PDCD11: variants seen among roughly 807,000 people sequenced by gnomAD.
PDCD11 encodes the protein programmed cell death 11, also known as protein RRP5 homolog.
PDCD11 carries 97 observed loss-of-function variants against 198.9 expected under a neutral mutation model. The observed-to-expected ratio is 0.49, with a 90% CI of 0.41 to 0.58. The LOEUF (loss-of-function observed/expected upper bound fraction) is 0.58, where lower values mean the gene tolerates loss of function less well. Ranked by LOEUF, PDCD11 falls within the 20% of genes least tolerant of loss-of-function variation. The pLI is 0.00. For missense variants in PDCD11, 2,102 were observed against 2,312.7 expected (o/e 0.91, Z 1.87); for synonymous variants, 893 against 918.0 (o/e 0.97, Z 0.49).
At chr10:103,436,572 C>T (rs1218014801) in intron 25 of PDCD11, among the ~76,000 whole-genome samples, 1 of 152,174 alleles carries the variant, frequency 6.6e-6, no homozygotes, top group Non-Finnish European at 1.5e-5. Context: ...AATTCTCAAC[C>T]ACTCACAACC....
Position 103,400,498 on chromosome 10 carries a change from AAG to A in PDCD11, c.210_211del (p.Lys71ValfsTer2). The A allele has an allele frequency of 6.2e-7, 1 of 1,614,096 alleles. No individual in the cohort carries two copies. Among genetic ancestry groups the A allele is most frequent in the African/African-American group, 1.3e-5 (1 of 75,054 alleles). On this transcript the variant is annotated frameshift_variant, in exon 3 of 36. Transcript: ENST00000369797. LOFTEE classifies it high-confidence loss of function. Reference sequence around the variant, plus strand: ...AAAAGAGAGAAAGCAGCAAGTCCGCAAGAGAGAAGTTTGAAATCCTTAGTGTT... The same window carrying A: ...AAAAGAGAGAAAGCAGCAAGTCCGCAAGAGAAGTTTGAAATCCTTAGTGTT... Reference protein sequence around the residue: ...IEKRESSKSAREKFEILSVES... With the variant: ...IEKRESSKSAXEKFEILSVES...
At chr10:103,426,400 T>C (rs754356712) in intron 20 of PDCD11, among the ~76,000 whole-genome samples, 6 of 152,236 alleles carry the variant, frequency 3.9e-5, no homozygotes, top group Non-Finnish European at 8.8e-5. Context: ...GTAAGTCAAT[T>C]ATCCTCTAAA....
At chr10:103,435,651 T>C (rs1261514215) in intron 25 of PDCD11, among the ~76,000 whole-genome samples, 1 of 152,118 alleles carries the variant, frequency 6.6e-6, no homozygotes, top group Non-Finnish European at 1.5e-5. Flanking sequence ...TAGCTAGGAT[T>C]ATAGGCATGC....
intron 21 of PDCD11, among the ~76,000 whole-genome samples, 157 bp downstream of exon 21, chr10:103,427,548 C>T (rs2031751509): frequency 1.3e-5 from 2 of 152,128 alleles, no homozygotes; most frequent in African/African-American, 2.4e-5. Flanking sequence ...ATTTGGTTCT[C>T]CTAGGGCTGG....
chr10:103,424,818 TAGGTC>T (rs1452149395), intron 19 of PDCD11, among the ~76,000 whole-genome samples, 161 bp from the exon 20 acceptor site: 2 of 152,288 alleles, frequency 1.3e-5, no homozygotes, highest in Non-Finnish European at 2.9e-5. Context: ...AGAGGAAAGC[TAGGTC>T]CAGGGAGTGA....
At chr10:103,434,208 C>T (rs1439935885) in intron 23 of PDCD11, 40 bp from the exon 24 acceptor site, 1 of 1,388,630 alleles carries the variant, frequency 7.2e-7, no homozygotes, top group Admixed American at 1.7e-5. Context: ...TAAATGACAG[C>T]CTTTCTTCAA....
Position 103,433,912 on chromosome 10 carries a change from G to C in PDCD11, c.3475-36G>C, listed in dbSNP as rs747561534. ...TTTAATGGCGGGAAACCTTGTATTT[G>C]TATTTGCCCTACTCTGGTTCCTTTT... On this transcript the variant is annotated intron_variant, in intron 22 of 35. Transcript: ENST00000369797. 2.0e-6 allele frequency: 3 copies of C among 1,478,670 alleles called. 1 individual carries two copies. The South Asian group carries it at 3.5e-5, about 17-fold the overall frequency. 91.6% of individuals were successfully genotyped at this position (1,478,670 alleles called of 1,614,324 possible). A position where few individuals can be genotyped will look rare whatever the true frequency, so the allele number is the denominator to read the frequency against.
chr10:103,433,302 C>G (rs553002721), intron 22 of PDCD11, among the ~76,000 whole-genome samples: 1 of 152,256 alleles, frequency 6.6e-6, no homozygotes, highest in South Asian at 2.1e-4. Flanking sequence ...TGAGACCAGC[C>G]TGGCCAACAT....
intron 15 of PDCD11, among the ~76,000 whole-genome samples, chr10:103,418,894 T>G (rs2031268931): frequency 6.6e-6 from 1 of 151,128 alleles, no homozygotes; most frequent in Admixed American, 6.6e-5. Flanking sequence ...CCCAGTGGGG[T>G]GCTTGGGAGC....
intron 16 of PDCD11, among the ~76,000 whole-genome samples, chr10:103,419,976 GT>G (rs1364639757): frequency 1.0e-5 from 1 of 99,198 alleles, no homozygotes; most frequent in African/African-American, 4.4e-5. Context: ...TTTTTTTTGA[GT>G]AGTAGAGACA....
chr10:103,442,845 C>T (rs2032448078), intron 32 of PDCD11, among the ~76,000 whole-genome samples: 1 of 152,164 alleles, frequency 6.6e-6, no homozygotes, highest in Non-Finnish European at 1.5e-5. Flanking sequence ...TTGCTTCATC[C>T]TCTTAGCTTG....
In PDCD11 at chr10:103,424,912, G is replaced by T; in HGVS notation, c.2764-72G>T. On this transcript the variant is annotated intron_variant, in intron 19 of 35. Coordinates refer to ENST00000369797, the MANE Select transcript of PDCD11 (RefSeq NM_014976.2). ...CAGAGGGTTTCCTCAGCCACACCCT[G>T]CCCAGTGGGGCCATGAGTGAGTGAC... 7.1e-6 allele frequency: 11 copies of T among 1,549,440 alleles called. No homozygotes were observed. In the South Asian group the frequency reaches 1.3e-4, roughly 19 times the overall value.
chr10:103,414,478 C>G, intron 11 of PDCD11, 148 bp downstream of exon 11: 1 of 624,802 alleles, frequency 1.6e-6, no homozygotes, highest in East Asian at 2.8e-5. Flanking sequence ...ATTTCTTTCT[C>G]TTTCTTTGGG....
chr10:103,434,621 C>T, intron 24 of PDCD11, 177 bp from the exon 25 acceptor site: 1 of 601,370 alleles, frequency 1.7e-6, no homozygotes, highest in Non-Finnish European at 2.9e-6. Flanking sequence ...CACCACTTGG[C>T]CCTGAGGTCC....
chr10:103,403,358 C>A, intron 4 of PDCD11, 73 bp downstream of exon 4: 2 of 1,425,888 alleles, frequency 1.4e-6, no homozygotes, highest in Non-Finnish European at 1.9e-6. Flanking sequence ...TACAACTTTG[C>A]CAGGTGCTAA....
rs767154101 is a variant in PDCD11, at chr10:103,434,966, A to T, written c.3836A>T (p.Lys1279Met). ...CCCCTGGAAGACTTCGTCCCCCAGA[A>T]GGTTGTCAGGTAAGCGAAGTGTTCT... ...ETPLEDFVPQ[K>M]VVRCYILSTA... The change falls in exon 25 of 36, where the codon AAG (lysine) becomes ATG (methionine). Residue 1279 changes from lysine to methionine, a missense_variant. Transcript: ENST00000369797. The T allele has an allele frequency of 2.6e-6, 4 of 1,555,250 alleles. No individual in the cohort carries two copies. Among genetic ancestry groups the T allele is most frequent in the Non-Finnish European group, 3.5e-6 (4 of 1,148,172 alleles).
At chr10:103,431,960 G>A (rs1323305056) in intron 21 of PDCD11, among the ~76,000 whole-genome samples, 169 bp from the exon 22 acceptor site, 1 of 151,834 alleles carries the variant, frequency 6.6e-6, no homozygotes, top group Non-Finnish European at 1.5e-5. Context: ...GATTAGCCTC[G>A]GGCCAGTATT....
At position 103,445,509 on chromosome 10, in the gene PDCD11, T is replaced by C; in HGVS notation, c.5576T>C (p.Leu1859Pro). The C allele has an allele frequency of 6.2e-7, 1 of 1,614,010 alleles. No homozygotes were observed. The highest frequency in any genetic ancestry group is 8.5e-7 in the Non-Finnish European group (1 of 1,180,022). ...KDVQAVKAKALEYVEAKSSVL... is the reference protein window; with the variant it reads ...KDVQAVKAKAPEYVEAKSSVL... The stretch of plus-strand genomic sequence containing the variant: ...GTGCAGGCAGTCAAGGCCAAGGCCC[T>C]GGAGTATGTGGAGGCCAAGAGCTCA... The change falls in exon 36 of 36, where the codon CTG becomes CCG. Residue 1859 changes from leucine (L) to proline (P), a missense_variant. Coordinates refer to ENST00000369797, the MANE Select transcript of PDCD11 (RefSeq NM_014976.2).
In PDCD11 at chr10:103,413,103, TC is replaced by T; in HGVS notation, c.979-11del. ...TGCCTCCTCCTGCTCACCCTGCCCTTCCTTTTGTCTAGGTGAGGGCCTGCAT... is the reference window on the plus strand; with the variant it reads ...TGCCTCCTCCTGCTCACCCTGCCCTTCTTTTGTCTAGGTGAGGGCCTGCAT... On this transcript the variant is annotated splice_polypyrimidine_tract_variant and intron_variant, in intron 8 of 35. Transcript: ENST00000369797. 6.2e-7 allele frequency: 1 copy of T among 1,611,358 alleles called. No individual in the cohort carries two copies. The highest frequency in any genetic ancestry group is 8.5e-7 in the Non-Finnish European group (1 of 1,177,882).
Sources: gnomAD v4.1 joint callset for allele counts (sites outside exome capture counted in the v4.1 genomes callset) on GRCh38, gnomAD v4.1.1 for gene constraint, MANE v1.5 for transcripts, NCBI Gene and HGNC (gene_info 2026-07-23, HGNC 2026-07-21) for gene names.